The following PCDH11X variants were observed in gnomAD, a reference collection of about 807,000 sequenced individuals.
The protein encoded by PCDH11X is protocadherin 11 X-linked.
Under a neutral mutation model 53.3 loss-of-function variants are expected in PCDH11X, and 18 were observed. The ratio of observed to expected loss-of-function variants is 0.34; its 90% CI spans 0.23 to 0.50. The LOEUF is 0.50. PCDH11X is among the 20% of genes least tolerant of loss of function. PCDH11X has a pLI of 0.98. For missense variants in PCDH11X, 570 were observed against 1,032.4 expected, an observed-to-expected ratio of 0.55 and a Z score of 6.14; for synonymous variants, 279 against 393.3, an observed-to-expected ratio of 0.71 and a Z score of 3.44.
intron 6 of PCDH11X, among the ~76,000 whole-genome samples, chrX:92,046,002 G>T (rs1356346694): frequency 5.5e-5 from 6 of 109,810 alleles, no homozygotes; most frequent in Non-Finnish European, 1.1e-4. Flanking sequence ...TAAAAAATCT[G>T]TCTCTAATAT....
At chrX:92,259,909 C>T (rs886359424) in intron 7 of PCDH11X, among the ~76,000 whole-genome samples, 7 of 111,317 alleles carry the variant, frequency 6.3e-5, no homozygotes, top group South Asian at 7.6e-4. Flanking sequence ...GGGCCTGGAA[C>T]GGGTGCACCA....
At chrX:92,060,829 G>A (rs2759881) in intron 6 of PCDH11X, among the ~76,000 whole-genome samples, 3 of 111,343 alleles carry the variant, frequency 2.7e-5, no homozygotes, top group East Asian at 2.8e-4. Context: ...ATTTCTATTC[G>A]TTTGCGTATA....
intron 6 of PCDH11X, among the ~76,000 whole-genome samples, chrX:91,936,236 C>T (rs767285322): frequency 1.3e-3 from 142 of 108,848 alleles, no homozygotes; most frequent in African/African-American, 4.6e-3. Flanking sequence ...AGAGGGGGTG[C>T]GATGTTTCAG....
chrX:92,618,827 C>T lies in PCDH11X; in HGVS notation c.3931C>T (p.Leu1311Phe). Residue 1311 changes from leucine to phenylalanine, a missense_variant, in exon 11 of 11, where the codon CTT becomes TTT. Physicochemically the swap from Leu to Phe is conservative, Grantham distance 22. Coordinates refer to ENST00000682573, the MANE Select transcript of PCDH11X (RefSeq NM_032968.5). Reference protein sequence around the residue: ...TSQFYTMSERLHPSDDSIKVI... With the variant: ...TSQFYTMSERFHPSDDSIKVI... Reference sequence around the variant, plus strand: ...TCAGTTTTACACCATGTCTGAAAGACTTCATCCCAGTGATGATTCAATTAA... The same window carrying T: ...TCAGTTTTACACCATGTCTGAAAGATTTCATCCCAGTGATGATTCAATTAA... 1 of 1,212,037 alleles carries T rather than the reference C, an allele frequency of 8.3e-7. No homozygotes were observed.
chrX:92,141,443 A>T (rs940671458), intron 6 of PCDH11X, among the ~76,000 whole-genome samples: 4 of 112,112 alleles, frequency 3.6e-5, no homozygotes, highest in Non-Finnish European at 5.6e-5. Flanking sequence ...GTTAAAAGAT[A>T]TCACATCTTA....
intron 6 of PCDH11X, among the ~76,000 whole-genome samples, chrX:91,964,887 G>A (rs557342266): frequency 8.9e-5 from 10 of 111,897 alleles, no homozygotes; most frequent in African/African-American, 2.9e-4. Context: ...ACACACATAA[G>A]GGCAGAGCTG....
intron 7 of PCDH11X, among the ~76,000 whole-genome samples, chrX:92,225,444 C>T (rs762642756): frequency 2.7e-5 from 3 of 110,949 alleles, no homozygotes; most frequent in African/African-American, 9.8e-5. Flanking sequence ...AAGGCCTTGA[C>T]TTCTAGTTGC....
intron 7 of PCDH11X, among the ~76,000 whole-genome samples, chrX:92,230,498 TAA>T (rs1218605663): frequency 1.1e-5 from 1 of 92,594 alleles, no homozygotes; most frequent in East Asian, 3.1e-4. Flanking sequence ...AATACATATA[TAA>T]TATCTATAAT....
chrX:92,082,889 T>TAAGTATACAA (rs200013734), intron 6 of PCDH11X, among the ~76,000 whole-genome samples: 42,905 of 109,659 alleles, frequency 0.39, 7,398 homozygotes, highest in Non-Finnish European at 0.54. Flanking sequence ...TACAAATATT[T>TAAGTATACAA]AAATTTAAGT....
chrX:92,065,832 A>T (rs1420089179), intron 6 of PCDH11X, among the ~76,000 whole-genome samples: 2 of 108,636 alleles, frequency 1.8e-5, no homozygotes, highest in Admixed American at 2.0e-4. Context: ...AGTTGATAAT[A>T]TATTTTGCTG....
chrX:92,605,681 G>A (rs891118541), intron 10 of PCDH11X, among the ~76,000 whole-genome samples: 26 of 111,553 alleles, frequency 2.3e-4, no homozygotes, highest in African/African-American at 3.3e-4. Flanking sequence ...ATATTCTAGC[G>A]TTAAACATTT....
At chrX:92,499,057 T>G (rs1304512046) in intron 10 of PCDH11X, among the ~76,000 whole-genome samples, 1 of 98,037 alleles carries the variant, frequency 1.0e-5, no homozygotes, top group Non-Finnish European at 2.1e-5. Flanking sequence ...CAGTTTTATT[T>G]GTTTACCACC....
At chrX:91,963,633 C>T (rs1433745262) in intron 6 of PCDH11X, among the ~76,000 whole-genome samples, 3 of 111,415 alleles carry the variant, frequency 2.7e-5, no homozygotes, top group Non-Finnish European at 5.6e-5. Context: ...TTTCCAAAAT[C>T]GCTTCCACAT....
chrX:92,059,631 T>C (rs2063498398), intron 6 of PCDH11X, among the ~76,000 whole-genome samples: 1 of 111,336 alleles, frequency 9.0e-6, no homozygotes. Flanking sequence ...TGGTTCCTTA[T>C]ATTTTTAACA....
chrX:92,514,744 A>G (rs1805972994), intron 10 of PCDH11X, among the ~76,000 whole-genome samples: 1 of 103,711 alleles, frequency 9.6e-6, no homozygotes, highest in Admixed American at 1.0e-4. Context: ...AATAATAAAT[A>G]AATATTAAAA....
chrX:92,570,218 G>A (rs1233465765), intron 10 of PCDH11X, among the ~76,000 whole-genome samples: 80 of 110,944 alleles, frequency 7.2e-4, no homozygotes, highest in Admixed American at 3.1e-3. Flanking sequence ...TCTACCATAT[G>A]CAATAAAATA....
At chrX:91,828,848 G>A (rs1392738921) in intron 4 of PCDH11X, among the ~76,000 whole-genome samples, 1 of 111,178 alleles carries the variant, frequency 9.0e-6, no homozygotes, top group African/African-American at 3.3e-5. Flanking sequence ...TAAGTTGATG[G>A]ATATAATTCA....
chrX:91,784,310 A>G (rs1935260148), intron 1 of PCDH11X, among the ~76,000 whole-genome samples: 2 of 112,263 alleles, frequency 1.8e-5, no homozygotes. Context: ...TGTAACATCC[A>G]GAAAAGAGGA....
intron 10 of PCDH11X, among the ~76,000 whole-genome samples, chrX:92,533,593 G>T (rs2074599524): frequency 9.3e-6 from 1 of 108,013 alleles, no homozygotes. Flanking sequence ...AAATTTTAGT[G>T]GTGAAAGAAA....
Sources: allele counts gnomAD v4.1 joint callset (sites outside exome capture counted in the v4.1 genomes callset), GRCh38; gene constraint gnomAD v4.1.1; transcripts MANE v1.5; gene names NCBI Gene and HGNC (gene_info 2026-07-23, HGNC 2026-07-21).